Variants in NOL8 observed in about 807,000 individuals in gnomAD.
NOL8 encodes nucleolar protein 8.
A neutral mutation model predicts 116.1 loss-of-function variants in NOL8; 93 were observed. That is an observed-to-expected ratio of 0.80 (90% CI 0.68 to 0.95). The LOEUF (loss-of-function observed/expected upper bound fraction) is 0.95, where lower values mean the gene tolerates loss of function less well. NOL8 is among the 40% of genes least tolerant of loss of function. NOL8 has a pLI of 0.00. For synonymous variants in NOL8, 419 were observed against 469.0 expected, an observed-to-expected ratio of 0.89 and a Z score of 1.38; for missense variants, 1,291 against 1,382.8, an observed-to-expected ratio of 0.93 and a Z score of 1.05.
Position 92,311,234 on chromosome 9 carries a change from G to A in NOL8, c.2384C>T (p.Thr795Met), listed in dbSNP as rs143172168. The change falls in exon 8 of 17, where the codon ACG becomes ATG. Residue 795 changes from threonine (T) to methionine (M), a missense_variant. Thr to Met is a moderately conservative substitution (Grantham distance 81, BLOSUM62 -1). Coordinates refer to ENST00000442668, the MANE Select transcript of NOL8 (RefSeq NM_017948.6). ...NLDGHPEDKP[T>M]HIIFGSDSEC... is the part of the protein sequence containing the mutation. ...ACTGTCAGAACCGAAGATGATGTGC[G>A]TTGGCTTATCCTCTGGATGACCATC... The A allele has an allele frequency of 5.0e-6, 8 of 1,613,672 alleles. No individual in the cohort carries two copies. Among genetic ancestry groups the A allele is most frequent in the African/African-American group, 4.0e-5 (3 of 75,028 alleles).
At chr9:92,310,754 C>A in intron 8 of NOL8, 79 bp from the exon 9 acceptor site, 1 of 1,450,128 alleles carries the variant, frequency 6.9e-7, no homozygotes, top group Non-Finnish European at 9.2e-7. Flanking sequence ...TTCTCCCTCA[C>A]ATTGAAAGCC....
At chr9:92,311,092 G>A in intron 8 of NOL8, 54 bp downstream of exon 8, 1 of 1,358,168 alleles carries the variant, frequency 7.4e-7, no homozygotes, top group Non-Finnish European at 1.0e-6. Context: ...GTTGTTTGTG[G>A]TGTGGATCTG....
chr9:92,304,388 GT>G (rs1838037144), intron 12 of NOL8, among the ~76,000 whole-genome samples: 1 of 152,116 alleles, frequency 6.6e-6, no homozygotes, highest in Admixed American at 6.6e-5. Flanking sequence ...TGCTTTTTTA[GT>G]TCATAGGTCT....
intron 11 of NOL8, 148 bp from the exon 12 acceptor site, chr9:92,305,978 T>C (rs1838217628): frequency 1.6e-6 from 1 of 613,528 alleles, no homozygotes; most frequent in African/African-American, 1.9e-5. Flanking sequence ...AACTAGGATC[T>C]TACTAGAAAT....
chr9:92,306,665 C>T (rs1201269598), intron 11 of NOL8, among the ~76,000 whole-genome samples: 3 of 152,110 alleles, frequency 2.0e-5, no homozygotes, highest in Non-Finnish European at 4.4e-5. Flanking sequence ...CTAATGAAAG[C>T]GATGCTGCTA....
At chr9:92,300,908 G>C in intron 13 of NOL8, 1 of 997,872 alleles carries the variant, frequency 1.0e-6, no homozygotes, top group Non-Finnish European at 1.2e-6. Flanking sequence ...TTAGGTATGT[G>C]TGTATTCTTC....
intron 14 of NOL8, among the ~76,000 whole-genome samples, chr9:92,299,673 A>C (rs1837551145): frequency 6.6e-6 from 1 of 152,010 alleles, no homozygotes; most frequent in Non-Finnish European, 1.5e-5. Flanking sequence ...AATTGCTTGA[A>C]TCTGGGAGGC....
intron 16 of NOL8, 139 bp from the exon 17 acceptor site, chr9:92,298,025 A>C: frequency 1.3e-6 from 1 of 779,514 alleles, no homozygotes; most frequent in East Asian, 2.7e-5. Context: ...TGAAGAGGGG[A>C]TATTGGCATT....
chr9:92,320,512 G>A (rs1287885185), intron 4 of NOL8: 3 of 187,960 alleles, frequency 1.6e-5, no homozygotes, highest in East Asian at 1.4e-4. Context: ...CTTGCCACTC[G>A]TTTTAGAATA....
At chr9:92,317,988 T>C (rs937413954) in intron 6 of NOL8, among the ~76,000 whole-genome samples, 3 of 143,002 alleles carry the variant, frequency 2.1e-5, no homozygotes, top group South Asian at 2.2e-4. Context: ...TGAGCCAAGA[T>C]TGTGCCACTG....
intron 13 of NOL8, 28 bp from the exon 14 acceptor site, chr9:92,300,044 T>C (rs1175267524): frequency 1.2e-6 from 2 of 1,607,818 alleles, no homozygotes; most frequent in African/African-American, 1.3e-5. Context: ...CAAAAGATGA[T>C]GGGATTGTAA....
In NOL8 at chr9:92,318,683, A is replaced by C; in HGVS notation, c.421T>G (p.Trp141Gly). ...ACTCTTCCAAATTTGCTCACAACCCAATTCTAAAAGAAAAAAAAAGAATTT... is the reference window on the plus strand; with the variant it reads ...ACTCTTCCAAATTTGCTCACAACCCCATTCTAAAAGAAAAAAAAAGAATTT... ...PGTEVPGHKN[W>G]VVSKFGRVLP... Residue 141 changes from tryptophan (W) to glycine (G), a missense_variant, in exon 6 of 17, where the codon TGG becomes GGG. By Grantham distance (184) the Trp-to-Gly change is radical (BLOSUM62 -2). Coordinates refer to ENST00000442668, the MANE Select transcript of NOL8 (RefSeq NM_017948.6). 6.3e-7 allele frequency: 1 copy of C among 1,583,032 alleles called. No homozygotes were observed. The highest frequency in any genetic ancestry group is 8.6e-7 in the Non-Finnish European group (1 of 1,167,862).
intron 16 of NOL8, 21 bp downstream of exon 16, chr9:92,298,236 T>C (rs1348789618): frequency 2.6e-6 from 4 of 1,563,494 alleles, no homozygotes; most frequent in South Asian, 2.3e-5. Flanking sequence ...TAGGAAATAA[T>C]ATGGAGAAAC....
At chr9:92,307,728 C>T (rs1161455722) in intron 10 of NOL8, among the ~76,000 whole-genome samples, 1 of 152,160 alleles carries the variant, frequency 6.6e-6, no homozygotes, top group Non-Finnish European at 1.5e-5. Context: ...AAGTACTCTA[C>T]AGGGATGCCC....
chr9:92,317,789 C>G (rs1839543598), intron 6 of NOL8, among the ~76,000 whole-genome samples: 1 of 152,054 alleles, frequency 6.6e-6, no homozygotes, highest in African/African-American at 2.4e-5. Context: ...AATCCCAGCT[C>G]TTTGGGAGGC....
intron 5 of NOL8, 28 bp from the exon 6 acceptor site, chr9:92,318,714 C>T (rs1839652354): frequency 7.2e-7 from 1 of 1,387,536 alleles, no homozygotes; most frequent in Non-Finnish European, 9.9e-7. Flanking sequence ...AATTTATTTA[C>T]TATATGTGAC....
rs562331472 is a variant in NOL8, at chr9:92,305,785, G to A, written c.2871C>T (p.Tyr957=). ...TTGGCTTATCATCTCTTTTTCTTTCGTAAGTGGCATGGTCTTGCTTCGTTG... is the reference window on the plus strand; with the variant it reads ...TTGGCTTATCATCTCTTTTTCTTTCATAAGTGGCATGGTCTTGCTTCGTTG... ...YDPTKQDHAT[Y]ERKRDDKPKE... is the part of the protein sequence containing the mutation. The change falls in exon 12 of 17, where the codon TAC becomes TAT. Residue 957 remains tyrosine, a synonymous_variant. Coordinates refer to ENST00000442668, the MANE Select transcript of NOL8 (RefSeq NM_017948.6). 24 of 1,612,180 alleles carry A rather than the reference G, an allele frequency of 1.5e-5. No individual in the cohort carries two copies. The African/African-American group carries it at 1.6e-4, about 11-fold the overall frequency.
chr9:92,323,344 A>T (rs1158228316), intron 3 of NOL8, 97 bp downstream of exon 3: 1 of 1,543,398 alleles, frequency 6.5e-7, no homozygotes, highest in Non-Finnish European at 8.7e-7. Context: ...GGATAACGTG[A>T]AAAATGGCTG....
Position 92,310,694 on chromosome 9 carries a change from T to C in NOL8, c.2473-19A>G. The C allele has an allele frequency of 6.3e-7, 1 of 1,587,532 alleles. No homozygotes were observed. Among genetic ancestry groups the C allele is most frequent in the East Asian group, 2.2e-5 (1 of 44,598 alleles). On this transcript the variant is annotated intron_variant, in intron 8 of 16. Coordinates refer to ENST00000442668, the MANE Select transcript of NOL8 (RefSeq NM_017948.6). Reference sequence around the variant, plus strand: ...TAGACTCCTGTGAAGAAACACAACATTTATTAATAGCAGAGGCAAACAAGC... The same window carrying C: ...TAGACTCCTGTGAAGAAACACAACACTTATTAATAGCAGAGGCAAACAAGC...
Sources: gnomAD v4.1 joint callset for allele counts (sites outside exome capture counted in the v4.1 genomes callset) on GRCh38, gnomAD v4.1.1 for gene constraint, MANE v1.5 for transcripts, NCBI Gene and HGNC (gene_info 2026-07-23, HGNC 2026-07-21) for gene names.